Variants in VPS4B observed in about 807,000 individuals in gnomAD.
VPS4B encodes vacuolar protein sorting 4 homolog B.
Under a neutral mutation model 56.1 loss-of-function variants are expected in VPS4B, and 23 were observed. The ratio of observed to expected loss-of-function variants is 0.41; its 90% confidence interval spans 0.30 to 0.58. The LOEUF is 0.58. VPS4B is among the 20% of genes least tolerant of loss of function. VPS4B has a pLI of 0.29. For synonymous variants in VPS4B, 177 were observed against 186.0 expected, an observed-to-expected ratio of 0.95 and a Z score of 0.39; for missense variants, 372 against 531.9, an observed-to-expected ratio of 0.70 and a Z score of 2.96.
chr18:63,389,419 CA>C lies in VPS4B; in HGVS notation c.*1555del, dbSNP rs1915492796. On this transcript the variant is annotated 3_prime_UTR_variant, in exon 11 of 11. Coordinates refer to ENST00000238497, the MANE Select transcript of VPS4B (RefSeq NM_004869.4). ...AACCACATAGCATATGTAAAATGTG[CA>C]AATACACTTTAAAATGCAAGTTATT... 1 of 152,564 alleles carries C rather than the reference CA, an allele frequency of 6.6e-6. No individual in the cohort carries two copies. Among genetic ancestry groups the C allele is most frequent in the African/African-American group, 2.4e-5 (1 of 41,430 alleles). The allele number at this position is 152,564 out of a possible 1,614,324, so 9.5% of individuals were successfully genotyped here.
At chr18:63,407,548 A>G in intron 3 of VPS4B, 49 bp from the exon 4 acceptor site, 1 of 1,439,118 alleles carries the variant, frequency 6.9e-7, no homozygotes, top group East Asian at 2.3e-5. Flanking sequence ...TTGCTATCAA[A>G]TAAGGCAAAA....
intron 9 of VPS4B, among the ~76,000 whole-genome samples, chr18:63,396,040 G>A (rs1347432213): frequency 6.6e-6 from 1 of 152,164 alleles, no homozygotes; most frequent in East Asian, 1.9e-4. Flanking sequence ...ACAGAACACA[G>A]TGCCAGGCAT....
intron 2 of VPS4B, 76 bp downstream of exon 2, chr18:63,411,391 T>C (rs1916039506): frequency 9.1e-6 from 10 of 1,093,596 alleles, no homozygotes; most frequent in Non-Finnish European, 1.2e-5. Flanking sequence ...TGGCATTATA[T>C]TTCAATTTTT....
In VPS4B at chr18:63,422,230, T is replaced by TA. The variant is rs1568093778; in HGVS notation, c.27+2dup. On this transcript the variant is annotated splice_region_variant and intron_variant, in intron 1 of 10. Transcript: ENST00000238497. ...TAGGGGGACGGGAGATGAGCAATGATACCTGGAGGTTGGGCGAAGTGGATG... is the reference window on the plus strand; with the variant it reads ...TAGGGGGACGGGAGATGAGCAATGATAACCTGGAGGTTGGGCGAAGTGGATG... The TA allele has an allele frequency of 6.6e-7, 1 of 1,513,386 alleles. No homozygotes were observed. The highest frequency in any genetic ancestry group is 8.9e-7 in the Non-Finnish European group (1 of 1,129,554). The allele number at this position is 1,513,386 out of a possible 1,614,324, so 93.7% of individuals were successfully genotyped here.
At chr18:63,413,463 C>T (rs762072933) in intron 1 of VPS4B, among the ~76,000 whole-genome samples, 2 of 150,530 alleles carry the variant, frequency 1.3e-5, no homozygotes, top group East Asian at 2.0e-4. Context: ...TGCTTGAACC[C>T]GGGAGGCGGT....
chr18:63,408,751 CTATAA>C (rs1915970230), intron 3 of VPS4B, among the ~76,000 whole-genome samples: 1 of 152,200 alleles, frequency 6.6e-6, no homozygotes, highest in African/African-American at 2.4e-5. Context: ...AGGTAATACC[CTATAA>C]TATATCCCTT....
intron 1 of VPS4B, among the ~76,000 whole-genome samples, chr18:63,417,353 T>C (rs116647545): frequency 0.017 from 2,553 of 152,258 alleles, 65 homozygotes; most frequent in African/African-American, 0.059. Flanking sequence ...CAAGGCTCTC[T>C]AGCATGCTAG....
At chr18:63,391,240 T>TC (rs1915543571) in intron 10 of VPS4B, among the ~76,000 whole-genome samples, 164 bp from the exon 11 acceptor site, 2 of 151,704 alleles carry the variant, frequency 1.3e-5, no homozygotes, top group Non-Finnish European at 2.9e-5. Flanking sequence ...CTTTTTTTTT[T>TC]TTTTTGAGTT....
rs74534078 is a variant in VPS4B, at chr18:63,407,877, A to C, written c.297-378T>G. On this transcript the variant is annotated intron_variant, in intron 3 of 10. Transcript: ENST00000238497. ...AAACATCAGGACTGGGCAAGATATA[A>C]ATTAGAACAAGAGGTCATATTAGGA... 6.6e-5 allele frequency among the ~76,000 whole-genome samples: 10 copies of C among 152,306 alleles called. No individual in the cohort carries two copies. The East Asian group carries it at 1.7e-3, about 26-fold the overall frequency.
chr18:63,414,078 TCCAG>T (rs1030329074), intron 1 of VPS4B, among the ~76,000 whole-genome samples: 1 of 152,142 alleles, frequency 6.6e-6, no homozygotes, highest in African/African-American at 2.4e-5. Context: ...GCCACTGCAC[TCCAG>T]CCTGGGTGAC....
At chr18:63,405,934 C>T (rs779231542) in intron 4 of VPS4B, among the ~76,000 whole-genome samples, 7 of 151,518 alleles carry the variant, frequency 4.6e-5, no homozygotes, top group Non-Finnish European at 1.0e-4. Context: ...TGCAGTAAGC[C>T]GTGATTGCGC....
intron 1 of VPS4B, among the ~76,000 whole-genome samples, chr18:63,417,350 C>T (rs1916191435): frequency 6.6e-6 from 1 of 152,112 alleles, no homozygotes; most frequent in Non-Finnish European, 1.5e-5. Flanking sequence ...TATCAAGGCT[C>T]TCTAGCATGC....
At position 63,391,056 on chromosome 18, in the gene VPS4B, T is replaced by C. The variant is rs200045966; in HGVS notation, c.1254A>G (p.Leu418=). 2.5e-6 allele frequency: 4 copies of C among 1,613,076 alleles called. No homozygotes were observed. Among genetic ancestry groups the C allele is most frequent in the East Asian group, 2.2e-5 (1 of 44,804 alleles). ...VVSMSDMLRS[L]SNTKPTVNEH... ...CATTGACTGTAGGTTTTGTGTTAGA[T>C]AGTGACCGCAACATATCCGACTGTC... Residue 418 remains leucine, a synonymous_variant, in exon 11 of 11, where the codon CTA becomes CTG. Transcript: ENST00000238497.
chr18:63,420,169 C>T (rs1221726230), intron 1 of VPS4B, among the ~76,000 whole-genome samples: 6 of 152,122 alleles, frequency 3.9e-5, no homozygotes, highest in African/African-American at 9.7e-5. Context: ...ATTCTGGGGC[C>T]GGGCACGGTG....
rs1915536599 is a variant in VPS4B at position 63,391,008 on chromosome 18, CTTT to C, written c.1299_1301del (p.Lys435del). On this transcript the variant is annotated inframe_deletion, in exon 11 of 11. Coordinates refer to ENST00000238497, the MANE Select transcript of VPS4B (RefSeq NM_004869.4). ...CTTGACCAAAATCTTCTGTAAACTT[CTTT>C]AATTTCAACAAGTCATGTTCATTGA... is the stretch of plus-strand genomic sequence containing the variant. 6.2e-7 allele frequency: 1 copy of C among 1,613,416 alleles called. No individual in the cohort carries two copies. The highest frequency in any genetic ancestry group is 8.5e-7 in the Non-Finnish European group (1 of 1,179,642).
rs1026262384 is a variant in VPS4B at position 63,389,507 on chromosome 18, T to C, written c.*1468A>G. On this transcript the variant is annotated 3_prime_UTR_variant, in exon 11 of 11. Coordinates refer to ENST00000238497, the MANE Select transcript of VPS4B (RefSeq NM_004869.4). Reference sequence around the variant, plus strand: ...GGGAATCTAGTTCATCCTAACTTAATAGTCTTTTGCATGTATAGACAATGC... The same window carrying C: ...GGGAATCTAGTTCATCCTAACTTAACAGTCTTTTGCATGTATAGACAATGC... 6 of 152,702 alleles carry C rather than the reference T, an allele frequency of 3.9e-5. No individual in the cohort carries two copies. The highest frequency in any genetic ancestry group is 3.9e-4 in the Admixed American group (6 of 15,290). 9.5% of individuals were successfully genotyped at this position (152,702 alleles called of 1,614,324 possible).
At position 63,389,396 on chromosome 18, in the gene VPS4B, C is replaced by T. The variant is rs1041401568; in HGVS notation, c.*1579G>A. ...ATCTGTACAGAAAACCCAAAGGCAA[C>T]CACATAGCATATGTAAAATGTGCAA... On this transcript the variant is annotated 3_prime_UTR_variant, in exon 11 of 11. Transcript: ENST00000238497. 10 of 152,668 alleles carry T rather than the reference C, an allele frequency of 6.6e-5. No individual in the cohort carries two copies. The highest frequency in any genetic ancestry group is 1.0e-4 in the Non-Finnish European group (7 of 68,018). 9.5% of individuals were successfully genotyped at this position (152,668 alleles called of 1,614,324 possible).
chr18:63,397,353 T>G, intron 8 of VPS4B, 100 bp from the exon 9 acceptor site: 1 of 1,064,046 alleles, frequency 9.4e-7, no homozygotes, highest in South Asian at 1.7e-5. Flanking sequence ...TGTGCCAAGG[T>G]TAAACATATA....
chr18:63,420,242 T>C (rs555856066), intron 1 of VPS4B, among the ~76,000 whole-genome samples: 1 of 150,988 alleles, frequency 6.6e-6, no homozygotes, highest in South Asian at 2.1e-4. Flanking sequence ...AGGTCAGGAG[T>C]TCAAGACCAG....
Sources: gnomAD v4.1 joint callset for allele counts (sites outside exome capture counted in the v4.1 genomes callset) on GRCh38, gnomAD v4.1.1 for gene constraint, MANE v1.5 for transcripts, NCBI Gene and HGNC (gene_info 2026-07-23, HGNC 2026-07-21) for gene names.